Variants in ZNF385D observed in about 807,000 individuals in gnomAD.
ZNF385D encodes zinc finger protein 385D.
Under a neutral mutation model 35.8 loss-of-function variants are expected in ZNF385D, and 15 were observed. That is an observed-to-expected ratio of 0.42 (90% CI 0.28 to 0.64). The LOEUF is 0.64. Ranked by LOEUF, ZNF385D falls within the 30% of genes least tolerant of loss-of-function variation. ZNF385D has a pLI of 0.23. For synonymous variants in ZNF385D, 212 were observed against 186.8 expected (o/e 1.13, Z -1.10); for missense variants, 474 against 494.6 (o/e 0.96, Z 0.39).
chr3:22,208,022 G>C (rs1697268629), intron 2 of ZNF385D, among the ~76,000 whole-genome samples: 1 of 151,874 alleles, frequency 6.6e-6, no homozygotes, highest in African/African-American at 2.4e-5. Context: ...GAGTTTAAAG[G>C]TTCCTCTAAA....
intron 2 of ZNF385D, among the ~76,000 whole-genome samples, chr3:22,216,222 A>C (rs1351895866): frequency 6.6e-6 from 1 of 151,920 alleles, no homozygotes; most frequent in Non-Finnish European, 1.5e-5. Context: ...TTAATAAAAC[A>C]TTTTTATACT....
intron 3 of ZNF385D, among the ~76,000 whole-genome samples, chr3:21,563,513 CA>C (rs1559409053): frequency 6.6e-6 from 1 of 152,138 alleles, no homozygotes; most frequent in African/African-American, 2.4e-5. Context: ...ATGTTCTCTT[CA>C]AAGAGGAATA....
At chr3:21,941,454 T>C (rs1162599590) in intron 3 of ZNF385D, among the ~76,000 whole-genome samples, 1 of 151,518 alleles carries the variant, frequency 6.6e-6, no homozygotes, top group Non-Finnish European at 1.5e-5. Context: ...AAGCAGGATG[T>C]TTTCTATGGT....
chr3:21,650,242 A>C (rs1187546446), intron 2 of ZNF385D, among the ~76,000 whole-genome samples: 2 of 152,178 alleles, frequency 1.3e-5, no homozygotes, highest in Admixed American at 1.3e-4. Flanking sequence ...AATATAAACA[A>C]AGTTCATCTA....
chr3:21,878,091 A>G (rs1698077810), intron 3 of ZNF385D: 1 of 152,022 alleles, frequency 6.6e-6, no homozygotes, highest in Admixed American at 6.6e-5. Flanking sequence ...ATAACATTGC[A>G]TCTTCGAACT....
chr3:22,262,687 C>T (rs9850352), intron 2 of ZNF385D, among the ~76,000 whole-genome samples: 13,769 of 151,666 alleles, frequency 0.091, 1,015 homozygotes, highest in African/African-American at 0.2. Flanking sequence ...ATTTCTGAGC[C>T]CCAGTTTTCT....
intron 3 of ZNF385D, among the ~76,000 whole-genome samples, chr3:22,022,532 C>A (rs2125457961): frequency 6.6e-6 from 1 of 152,018 alleles, no homozygotes; most frequent in East Asian, 1.9e-4. Context: ...GCAAATATAC[C>A]CCAAAGGAAA....
intron 3 of ZNF385D, among the ~76,000 whole-genome samples, chr3:21,918,779 T>A (rs1700316212): frequency 6.6e-6 from 1 of 152,202 alleles, no homozygotes; most frequent in Non-Finnish European, 1.5e-5. Flanking sequence ...TTAAGTCACT[T>A]TATCTTCCTA....
intron 2 of ZNF385D, among the ~76,000 whole-genome samples, chr3:21,655,790 A>G (rs1381673493): frequency 1.3e-5 from 2 of 152,044 alleles, no homozygotes; most frequent in Non-Finnish European, 2.9e-5. Context: ...AAATCTAGCC[A>G]TGATTCAGTG....
intron 2 of ZNF385D, among the ~76,000 whole-genome samples, chr3:21,605,272 G>A (rs574770071): frequency 2.0e-5 from 3 of 152,182 alleles, no homozygotes; most frequent in African/African-American, 7.2e-5. Context: ...TGAAGGTAAA[G>A]ATACCAAAAG....
At chr3:22,141,051 T>C (rs1704473579) in intron 3 of ZNF385D, among the ~76,000 whole-genome samples, 1 of 152,196 alleles carries the variant, frequency 6.6e-6, no homozygotes, top group Non-Finnish European at 1.5e-5. Flanking sequence ...TACAACAAAT[T>C]CTCAGAGATT....
intron 3 of ZNF385D, among the ~76,000 whole-genome samples, chr3:21,529,837 T>C (rs1022616973): frequency 9.2e-5 from 14 of 152,224 alleles, no homozygotes; most frequent in Admixed American, 8.5e-4. Context: ...CTTGACCAAG[T>C]TACTTTTCTC....
intron 2 of ZNF385D, among the ~76,000 whole-genome samples, chr3:22,212,212 G>A (rs1365332063): frequency 6.6e-6 from 1 of 151,992 alleles, no homozygotes; most frequent in East Asian, 1.9e-4. Flanking sequence ...GGTGGAAGAA[G>A]GAGGTGACCA....
At chr3:22,337,636 A>G (rs913325396) in intron 2 of ZNF385D, among the ~76,000 whole-genome samples, 1 of 152,222 alleles carries the variant, frequency 6.6e-6, no homozygotes, top group African/African-American at 2.4e-5. Flanking sequence ...AGAAAAGTAG[A>G]TAGACTTGAC....
At chr3:21,921,735 A>G (rs952102744) in intron 3 of ZNF385D, among the ~76,000 whole-genome samples, 3 of 151,986 alleles carry the variant, frequency 2.0e-5, no homozygotes, top group Admixed American at 1.3e-4. Flanking sequence ...AAACTAGAAA[A>G]TCTATAGAAA....
chr3:21,965,552 T>G (rs568321880), intron 3 of ZNF385D, among the ~76,000 whole-genome samples: 2 of 152,086 alleles, frequency 1.3e-5, no homozygotes, highest in South Asian at 2.1e-4. Flanking sequence ...TAAAGAAAGG[T>G]TGAAGAATTG....
At chr3:21,622,493 A>T (rs2065033921) in intron 2 of ZNF385D, among the ~76,000 whole-genome samples, 1 of 152,144 alleles carries the variant, frequency 6.6e-6, no homozygotes, top group Non-Finnish European at 1.5e-5. Flanking sequence ...TAGTTTTGCC[A>T]CTTATTAGGA....
At chr3:21,691,625 T>C (rs919982275) in intron 1 of ZNF385D, among the ~76,000 whole-genome samples, 1 of 152,230 alleles carries the variant, frequency 6.6e-6, no homozygotes, top group African/African-American at 2.4e-5. Context: ...TGTGTGTAGC[T>C]ATTTCATAAT....
intron 2 of ZNF385D, among the ~76,000 whole-genome samples, chr3:22,278,323 C>G (rs527801582): frequency 9.9e-5 from 15 of 152,248 alleles, no homozygotes; most frequent in African/African-American, 3.1e-4. Context: ...CATTTCCAAT[C>G]TGAAGCAAGC....
Sources: gnomAD v4.1 joint callset for allele counts (sites outside exome capture counted in the v4.1 genomes callset) on GRCh38, gnomAD v4.1.1 for gene constraint, MANE v1.5 for transcripts, NCBI Gene and HGNC (gene_info 2026-07-23, HGNC 2026-07-21) for gene names.